The following ABLIM1 variants were observed in gnomAD, a reference collection of about 807,000 sequenced individuals.
The protein encoded by ABLIM1 is actin binding LIM protein 1.
A neutral mutation model predicts 107.0 loss-of-function variants in ABLIM1; 40 were observed. That is an observed-to-expected ratio of 0.37 (90% CI 0.29 to 0.49). The LOEUF is 0.49. Ranked by LOEUF, ABLIM1 falls within the 20% of genes least tolerant of loss-of-function variation. The probability of loss-of-function intolerance (pLI) is 0.97; values close to 1 mark genes in which losing one functional copy is unlikely to be tolerated. For missense variants in ABLIM1, 857 were observed against 1,008.5 expected, an observed-to-expected ratio of 0.85 and a Z score of 2.04; for synonymous variants, 357 against 357.3, an observed-to-expected ratio of 1.00 and a Z score of 0.01.
At chr10:114,755,948 T>C (rs1262621740) in intron 1 of ABLIM1, among the ~76,000 whole-genome samples, 2 of 152,248 alleles carry the variant, frequency 1.3e-5, no homozygotes, top group African/African-American at 4.8e-5. Context: ...ACACTCTCAG[T>C]TATAAATTCA....
intron 6 of ABLIM1, chr10:114,526,781 C>G: frequency 2.0e-6 from 2 of 985,530 alleles, no homozygotes; most frequent in African/African-American, 3.5e-5. Flanking sequence ...CTCAGCCCGA[C>G]AGACTGAGGC....
At chr10:114,464,200 T>TC (rs1351117487) in intron 12 of ABLIM1, among the ~76,000 whole-genome samples, 2 of 151,582 alleles carry the variant, frequency 1.3e-5, no homozygotes, top group East Asian at 3.9e-4. Context: ...TTTTTTTTTT[T>TC]TTTGAGATGG....
intron 1 of ABLIM1, 65 bp downstream of exon 1, chr10:114,657,892 G>C (rs1014347840): frequency 7.6e-6 from 10 of 1,321,892 alleles, no homozygotes; most frequent in Non-Finnish European, 1.1e-5. Context: ...GATCTGGATA[G>C]TACTCTCTTA....
intron 2 of ABLIM1, among the ~76,000 whole-genome samples, chr10:114,590,176 G>A (rs989443999): frequency 2.0e-5 from 3 of 152,150 alleles, no homozygotes; most frequent in African/African-American, 7.2e-5. Context: ...TGGCCTAGCT[G>A]TACAGTAGGC....
chr10:114,546,455 G>T (rs1001546001), intron 5 of ABLIM1, among the ~76,000 whole-genome samples: 2 of 151,936 alleles, frequency 1.3e-5, no homozygotes, highest in Admixed American at 1.3e-4. Context: ...CACCATGCCC[G>T]GCTCAGTTTT....
chr10:114,491,012 G>GTGTGTGTGTGTA, intron 7 of ABLIM1, among the ~76,000 whole-genome samples: 4 of 92,394 alleles, frequency 4.3e-5, no homozygotes, highest in South Asian at 4.0e-4. Context: ...GTGTGTGTGT[G>GTGTGTGTGTGTA]TATATATATA....
intron 6 of ABLIM1, among the ~76,000 whole-genome samples, chr10:114,524,990 T>C (rs2064437593): frequency 6.6e-6 from 1 of 152,258 alleles, no homozygotes; most frequent in Non-Finnish European, 1.5e-5. Flanking sequence ...TTCCCCCTCG[T>C]TGGCAGCAGT....
intron 1 of ABLIM1, chr10:114,615,620 C>T (rs1437310557): frequency 4.4e-6 from 2 of 453,344 alleles, no homozygotes; most frequent in South Asian, 3.1e-5. Context: ...AATGCATGTT[C>T]AATATGTTCA....
intron 6 of ABLIM1, among the ~76,000 whole-genome samples, chr10:114,538,469 CTCTT>C (rs1191971050): frequency 1.1e-3 from 163 of 152,312 alleles, no homozygotes; most frequent in East Asian, 3.1e-3. Flanking sequence ...CCATCTGAGG[CTCTT>C]TCTTATGTGG....
chr10:114,573,352 A>G (rs1370084655), intron 3 of ABLIM1, among the ~76,000 whole-genome samples: 1 of 152,238 alleles, frequency 6.6e-6, no homozygotes, highest in Non-Finnish European at 1.5e-5. Context: ...GTATGAATAT[A>G]ACTTCTCAAC....
At chr10:114,439,129 G>T in intron 21 of ABLIM1, 47 bp downstream of exon 21, 1 of 1,598,792 alleles carries the variant, frequency 6.3e-7, no homozygotes, top group Admixed American at 1.7e-5. Context: ...AATCTGTTTA[G>T]GGTTACGCCA....
At chr10:114,600,154 C>T (rs2075838588) in intron 2 of ABLIM1, among the ~76,000 whole-genome samples, 1 of 151,968 alleles carries the variant, frequency 6.6e-6, no homozygotes, top group Non-Finnish European at 1.5e-5. Context: ...GTAACTTGTC[C>T]ACAATCAGAC....
chr10:114,673,259 AAAAAAAAAAAAC>A (rs1400701943), intron 1 of ABLIM1, among the ~76,000 whole-genome samples: 5 of 149,260 alleles, frequency 3.3e-5, no homozygotes, highest in Non-Finnish European at 5.9e-5. Flanking sequence ...CTCCAGCTAA[AAAAAAAAAAAAC>A]AAAAAAAAAA....
At chr10:114,737,823 A>G (rs2082210195) in intron 1 of ABLIM1, among the ~76,000 whole-genome samples, 1 of 152,192 alleles carries the variant, frequency 6.6e-6, no homozygotes, top group African/African-American at 2.4e-5. Flanking sequence ...AGATTCACAC[A>G]GGAAATTAAT....
At chr10:114,510,020 G>A (rs781109532) in intron 6 of ABLIM1, among the ~76,000 whole-genome samples, 23 of 152,192 alleles carry the variant, frequency 1.5e-4, no homozygotes, top group Admixed American at 9.2e-4. Context: ...ACTACCACGA[G>A]AACAGCATGG....
chr10:114,697,083 G>C (rs991732288), intron 1 of ABLIM1, among the ~76,000 whole-genome samples: 2 of 152,218 alleles, frequency 1.3e-5, no homozygotes, highest in African/African-American at 4.8e-5. Context: ...AGGGCACTCT[G>C]GGGGAGGAAG....
chr10:114,649,350 C>T (rs561631745), intron 1 of ABLIM1, among the ~76,000 whole-genome samples: 1 of 151,470 alleles, frequency 6.6e-6, no homozygotes, highest in East Asian at 1.9e-4. Flanking sequence ...TGCAGTGAGC[C>T]AAGATCACAC....
chr10:114,779,280 C>T, the ABLIM1 span: 12 of 152,150 alleles, frequency 7.9e-5, no homozygotes, highest in African/African-American at 2.9e-4. Context: ...TTGTTACCCT[C>T]CAATTTACAA....
intron 15 of ABLIM1, among the ~76,000 whole-genome samples, chr10:114,446,939 T>A (rs2061103774): frequency 6.6e-6 from 1 of 152,226 alleles, no homozygotes; most frequent in Admixed American, 6.5e-5. Flanking sequence ...ATAATGAACT[T>A]AGGAGGTAGA....
Sources: gnomAD v4.1 joint callset for allele counts (sites outside exome capture counted in the v4.1 genomes callset) on GRCh38, gnomAD v4.1.1 for gene constraint, MANE v1.5 for transcripts, NCBI Gene and HGNC (gene_info 2026-07-23, HGNC 2026-07-21) for gene names.